The following AKAP3 variants were observed in gnomAD, a reference collection of about 807,000 sequenced individuals.
AKAP3 encodes the protein A-kinase anchoring protein 3.
Under a neutral mutation model 57.2 loss-of-function variants are expected in AKAP3, and 27 were observed. That is an observed-to-expected ratio of 0.47 (90% CI 0.35 to 0.65). The LOEUF (loss-of-function observed/expected upper bound fraction) is 0.65. Among genes scored for constraint, AKAP3 ranks in the 30% least tolerant of loss-of-function variants. The pLI, the probability that AKAP3 is intolerant of heterozygous loss-of-function variation, is 0.01. For synonymous variants in AKAP3, 334 were observed against 392.3 expected, an observed-to-expected ratio of 0.85 and a Z score of 1.76; for missense variants, 959 against 1,040.0, an observed-to-expected ratio of 0.92 and a Z score of 1.07.
rs1449396924 is a variant in AKAP3, at chr12:4,628,564, G to A, written c.338C>T (p.Ala113Val). 2 of 1,612,738 alleles carry A rather than the reference G, an allele frequency of 1.2e-6. No individual in the cohort carries two copies. The highest frequency in any genetic ancestry group is 1.3e-5 in the African/African-American group (1 of 75,026). ...TACTGAACTCCCGTTGCCAAGTTGG[G>A]CCCTGGGGCCCTGGCAAGGAATCTC... ...HKEIPCQGPR[A>V]QLGNGSSVDE... Residue 113 changes from alanine to valine, a missense_variant, in exon 5 of 6, where the codon GCC (alanine) becomes GTC (valine). Physicochemically the swap from Ala to Val is moderately conservative, Grantham distance 64. Transcript: ENST00000228850.
At chr12:4,645,661 A>T (rs189955668) in intron 1 of AKAP3, 1 of 152,208 alleles carries the variant, frequency 6.6e-6, no homozygotes, top group East Asian at 1.9e-4. Context: ...AGCTCCTATG[A>T]GAATCTAATG....
At position 4,625,630 on chromosome 12, in the gene AKAP3, C is replaced by T. The variant is rs569137084; in HGVS notation, c.2406+866G>A. Among the ~76,000 whole-genome samples the T allele has an allele frequency of 2.0e-4, 31 of 151,854 alleles. No individual in the cohort carries two copies. The highest frequency in any genetic ancestry group is 3.4e-3 in the Middle Eastern group (1 of 292). ...CCACCCTTTGCTACTTAATGATTAA[C>T]AGCAGTTGGTCCACTTTTCTCAATC... On this transcript the variant is annotated intron_variant, in intron 5 of 5. Transcript: ENST00000228850. This position sits in a 1 kb window ranked among gnomAD's most constrained non-coding sequence, Gnocchi z 5.4.
At chr12:4,645,997 ACT>A (rs1191018695) in intron 1 of AKAP3, 1 of 151,952 alleles carries the variant, frequency 6.6e-6, no homozygotes, top group Non-Finnish European at 1.5e-5. Flanking sequence ...TCCAGCCAGG[ACT>A]CTTTTTATTT....
At chr12:4,644,852 T>TGCAGTGAGCCGAGATTGCA (rs1472417234) in intron 2 of AKAP3, among the ~76,000 whole-genome samples, 3 of 152,192 alleles carry the variant, frequency 2.0e-5, no homozygotes, top group Admixed American at 6.5e-5. Context: ...AGGTGGAGGT[T>TGCAGTGAGCCGAGATTGCA]GCAGTGAGCC....
intron 5 of AKAP3, among the ~76,000 whole-genome samples, chr12:4,617,661 A>G (rs1410037762): frequency 1.3e-5 from 2 of 152,136 alleles, no homozygotes; most frequent in East Asian, 3.9e-4. Flanking sequence ...CGGAGGCAAG[A>G]GAATTGCTTG....
chr12:4,638,254 T>G, intron 3 of AKAP3, 58 bp from the exon 4 acceptor site: 1 of 1,227,294 alleles, frequency 8.1e-7, no homozygotes, highest in Middle Eastern at 1.9e-4. Context: ...TTTATGAAAG[T>G]AAGAAGAAAT....
rs547542814 is a variant in AKAP3 at position 4,640,708 on chromosome 12, A to T, written c.-1+1191T>A. Among the ~76,000 whole-genome samples, 11 of 152,322 alleles carry T rather than the reference A, an allele frequency of 7.2e-5. No individual in the cohort carries two copies. In the South Asian group the frequency reaches 2.3e-3, roughly 32 times the overall value. ...ATCACTAACTCAGATTACTGAGCTA[A>T]GGAAGCAGTTTATTTTAATCTTCCA... On this transcript the variant is annotated intron_variant, in intron 3 of 5. Coordinates refer to ENST00000228850, the MANE Select transcript of AKAP3 (RefSeq NM_001278309.2).
chr12:4,638,234 A>C (rs936309395), intron 3 of AKAP3, 38 bp from the exon 4 acceptor site: 6 of 1,405,510 alleles, frequency 4.3e-6, no homozygotes, highest in Non-Finnish European at 6.0e-6. Context: ...GGGTCATCAC[A>C]AGGGCAGATT....
chr12:4,630,587 C>T (rs1205553096), intron 4 of AKAP3, among the ~76,000 whole-genome samples: 2 of 152,164 alleles, frequency 1.3e-5, no homozygotes, highest in South Asian at 2.1e-4. Flanking sequence ...AAATGGTTCT[C>T]CTAATTAGAA....
At chr12:4,647,681 T>C (rs1023849862) in intron 1 of AKAP3, among the ~76,000 whole-genome samples, 2 of 152,180 alleles carry the variant, frequency 1.3e-5, no homozygotes, top group Non-Finnish European at 2.9e-5. Context: ...ACAAGGAAAG[T>C]ATGTTAGTAT....
chr12:4,638,945 A>G (rs1945600846), intron 3 of AKAP3, among the ~76,000 whole-genome samples: 1 of 152,202 alleles, frequency 6.6e-6, no homozygotes, highest in South Asian at 2.1e-4. Flanking sequence ...CTTCTAAGCC[A>G]GAAAACTGAG....
chr12:4,627,222 AG>A lies in AKAP3; in HGVS notation c.1679del (p.Pro560LeufsTer7), dbSNP rs1565552123. 3 of 1,614,008 alleles carry A rather than the reference AG, an allele frequency of 1.9e-6. No homozygotes were observed. The highest frequency in any genetic ancestry group is 1.7e-6 in the Non-Finnish European group (2 of 1,180,026). On this transcript the variant is annotated frameshift_variant, in exon 5 of 6. Coordinates refer to ENST00000228850, the MANE Select transcript of AKAP3 (RefSeq NM_001278309.2). LOFTEE classifies it high-confidence loss of function. Reference sequence around the variant, plus strand: ...CGGGAGCTACAGGAGGTTCATTGGCAGGAAAGTTGGTGGTGCCAGCAGCTTC... The same window carrying A: ...CGGGAGCTACAGGAGGTTCATTGGCAGAAAGTTGGTGGTGCCAGCAGCTTC... ...FVEAAGTTNF[P>X]ANEPPVAPDE...
intron 4 of AKAP3, among the ~76,000 whole-genome samples, chr12:4,637,220 C>A (rs1812979022): frequency 6.6e-6 from 1 of 152,194 alleles, no homozygotes; most frequent in Non-Finnish European, 1.5e-5. Flanking sequence ...CCCTTCTTTG[C>A]CTTGCTTTGT....
chr12:4,615,999 C>G, intron 5 of AKAP3, 105 bp from the exon 6 acceptor site: 1 of 1,389,564 alleles, frequency 7.2e-7, no homozygotes, highest in Admixed American at 2.2e-5. Context: ...CCTTGGGAAA[C>G]TGCAACACAG....
At chr12:4,635,660 C>G (rs924847303) in intron 4 of AKAP3, 2 of 780,962 alleles carry the variant, frequency 2.6e-6, no homozygotes, top group African/African-American at 1.7e-5. Context: ...ATTTTTTGCT[C>G]TTGCAAAGGA....
intron 5 of AKAP3, among the ~76,000 whole-genome samples, chr12:4,616,402 C>A (rs530327986): frequency 1.4e-3 from 220 of 152,268 alleles, no homozygotes; most frequent in Middle Eastern, 3.4e-3. Flanking sequence ...AGCTCTTTTT[C>A]CAAGTACAAA....
At chr12:4,645,897 A>G (rs966362866) in intron 1 of AKAP3, 1 of 152,198 alleles carries the variant, frequency 6.6e-6, no homozygotes, top group Non-Finnish European at 1.5e-5. Context: ...GTATTAACAA[A>G]TCTAGAGGAC....
intron 5 of AKAP3, among the ~76,000 whole-genome samples, chr12:4,619,512 A>T (rs1345308564): frequency 6.6e-6 from 1 of 152,058 alleles, no homozygotes; most frequent in East Asian, 1.9e-4. Context: ...GACTATGATT[A>T]TGCCACTGCA....
rs200943042 is a variant in AKAP3 at position 4,627,835 on chromosome 12, G to A, written c.1067C>T (p.Ser356Leu). 57 of 1,614,106 alleles carry A rather than the reference G, an allele frequency of 3.5e-5. No individual in the cohort carries two copies. The African/African-American group carries it at 4.4e-4, about 12-fold the overall frequency. Residue 356 changes from serine to leucine, a missense_variant, in exon 5 of 6, where the codon TCG becomes TTG. Ser to Leu is a moderately radical substitution (Grantham distance 145, BLOSUM62 -2). Transcript: ENST00000228850. ...AGAGAAGACAGTTCTTTTCACAGCC[G>A]AGACAAACTGTGTGTCAGTCATGAG... is the stretch of plus-strand genomic sequence containing the variant. ...GTLMTDTQFV[S>L]AVKRTVFSHG...
Sources: allele counts gnomAD v4.1 joint callset (sites outside exome capture counted in the v4.1 genomes callset), GRCh38; gene constraint gnomAD v4.1.1; non-coding constraint Gnocchi (gnomAD v3.1); transcripts MANE v1.5; gene names NCBI Gene and HGNC (gene_info 2026-07-23, HGNC 2026-07-21).